The following SUPT3H variants were observed in gnomAD, a reference collection of about 807,000 sequenced individuals.
SUPT3H encodes SPT3 homolog, SAGA and STAGA complex component, also known as transcription initiation protein SPT3 homolog.
Under a neutral mutation model 44.3 loss-of-function variants are expected in SUPT3H, and 44 were observed. That is an observed-to-expected ratio of 0.99 (90% CI 0.78 to 1.28). SUPT3H has a LOEUF of 1.28. SUPT3H is among the 50% of genes most tolerant of loss of function. SUPT3H has a pLI of 0.00. For synonymous variants in SUPT3H, 124 were observed against 125.6 expected, an observed-to-expected ratio of 0.99 and a Z score of 0.09; for missense variants, 380 against 387.1, an observed-to-expected ratio of 0.98 and a Z score of 0.15.
At chr6:45,065,763 G>T (rs1420581405) in intron 3 of SUPT3H, among the ~76,000 whole-genome samples, 1 of 151,798 alleles carries the variant, frequency 6.6e-6, no homozygotes, top group Non-Finnish European at 1.5e-5. Context: ...AAACCAGGAA[G>T]AAGTTGAATC....
chr6:45,274,214 A>C (rs1252682564), intron 2 of SUPT3H, among the ~76,000 whole-genome samples: 1 of 152,244 alleles, frequency 6.6e-6, no homozygotes, highest in Non-Finnish European at 1.5e-5. Flanking sequence ...TGTGATTTTC[A>C]GAAATTTTCT....
At chr6:44,982,873 A>G (rs1779295713) in intron 6 of SUPT3H, among the ~76,000 whole-genome samples, 1 of 152,250 alleles carries the variant, frequency 6.6e-6, no homozygotes, top group Non-Finnish European at 1.5e-5. Context: ...TCTGGCTTCA[A>G]ATAGTTCCTC....
chr6:44,919,258 C>T (rs888389334), intron 10 of SUPT3H, among the ~76,000 whole-genome samples: 11 of 151,940 alleles, frequency 7.2e-5, no homozygotes, highest in African/African-American at 2.7e-4. Flanking sequence ...TGCCTTGGAT[C>T]TTACCCAAAG....
chr6:44,973,303 G>C (rs1336177236), intron 6 of SUPT3H, among the ~76,000 whole-genome samples: 2 of 152,146 alleles, frequency 1.3e-5, no homozygotes, highest in African/African-American at 4.8e-5. Flanking sequence ...GGGAAAAAAT[G>C]CTGCCAGTCT....
rs1491206167 is a variant in SUPT3H, at chr6:44,928,882, C to CAAAATAAAAAAAAA, written c.912+3770_912+3771insTTTTTTTTTATTTT. On this transcript the variant is annotated intron_variant, in intron 10 of 10. Transcript: ENST00000371459. ...TGGGCGACAGAACGAGACTCCGTCT[C>CAAAATAAAAAAAAA]AAAAAAAAAAAAAAAAAAAAAAGAA... Among the ~76,000 whole-genome samples, 35 of 20,642 alleles carry CAAAATAAAAAAAAA rather than the reference C, an allele frequency of 1.7e-3. 2 individuals carry two copies. The highest frequency in any genetic ancestry group is 2.2e-3 in the African/African-American group (7 of 3,180). 13.5% of individuals were successfully genotyped at this position (20,642 alleles called of 152,430 possible).
At chr6:45,089,841 G>A (rs1796919574) in intron 3 of SUPT3H, among the ~76,000 whole-genome samples, 1 of 151,818 alleles carries the variant, frequency 6.6e-6, no homozygotes, top group Non-Finnish European at 1.5e-5. Context: ...AAAATAGCCA[G>A]GTTATTCTAT....
chr6:45,244,989 C>A (rs892831123), intron 2 of SUPT3H, among the ~76,000 whole-genome samples: 2 of 152,034 alleles, frequency 1.3e-5, no homozygotes, highest in Non-Finnish European at 2.9e-5. Context: ...CTAAAATTCC[C>A]ATTTCATTAT....
chr6:44,930,561 T>A (rs1170470666), intron 10 of SUPT3H, among the ~76,000 whole-genome samples: 1 of 50,046 alleles, frequency 2.0e-5, no homozygotes, highest in East Asian at 6.5e-4. Flanking sequence ...TGAGACTCCG[T>A]CTCAAAAAAA....
chr6:45,326,219 A>G (rs889983872), intron 2 of SUPT3H, among the ~76,000 whole-genome samples: 6 of 151,904 alleles, frequency 3.9e-5, no homozygotes, highest in Non-Finnish European at 5.9e-5. Flanking sequence ...AGTGAATGCT[A>G]ATGTAGAAAC....
chr6:45,306,771 C>T (rs769188710), intron 2 of SUPT3H, among the ~76,000 whole-genome samples: 2 of 152,080 alleles, frequency 1.3e-5, no homozygotes, highest in African/African-American at 4.8e-5. Flanking sequence ...CTCACTGAGG[C>T]TTGTCAGACA....
chr6:45,007,361 A>G (rs866682363), intron 5 of SUPT3H, among the ~76,000 whole-genome samples: 4 of 152,060 alleles, frequency 2.6e-5, no homozygotes, highest in African/African-American at 4.8e-5. Flanking sequence ...TCCATCTCCT[A>G]CTTTTACTTT....
chr6:44,855,812 C>T (rs1422399370), intron 10 of SUPT3H, among the ~76,000 whole-genome samples: 2 of 151,826 alleles, frequency 1.3e-5, no homozygotes, highest in Admixed American at 6.6e-5. Context: ...CCATTATTCT[C>T]GTTTAGTAAC....
At chr6:44,990,492 C>A (rs1780463774) in intron 6 of SUPT3H, among the ~76,000 whole-genome samples, 1 of 151,636 alleles carries the variant, frequency 6.6e-6, no homozygotes, top group Non-Finnish European at 1.5e-5. Flanking sequence ...ATGCCTCCCA[C>A]TTTGTTCTTT....
At chr6:45,153,960 C>G (rs12204677) in intron 2 of SUPT3H, among the ~76,000 whole-genome samples, 61,064 of 150,460 alleles carry the variant, frequency 0.41, 12,703 homozygotes, top group East Asian at 0.71. Context: ...GACCCAGCTA[C>G]TCGGGAGGCT....
chr6:45,056,648 T>C (rs1453678245), intron 3 of SUPT3H, among the ~76,000 whole-genome samples: 1 of 152,158 alleles, frequency 6.6e-6, no homozygotes, highest in Admixed American at 6.5e-5. Context: ...GGAGCTAAGC[T>C]ATGAAGACAC....
At chr6:45,150,311 G>A (rs1806720833) in intron 2 of SUPT3H, among the ~76,000 whole-genome samples, 1 of 151,844 alleles carries the variant, frequency 6.6e-6, no homozygotes, top group South Asian at 2.1e-4. Context: ...ATATTACTTG[G>A]GAAATTTTTG....
At chr6:45,000,761 G>A (rs908971865) in intron 6 of SUPT3H, among the ~76,000 whole-genome samples, 2 of 151,912 alleles carry the variant, frequency 1.3e-5, no homozygotes, top group African/African-American at 4.8e-5. Context: ...GAAAACACAA[G>A]ATAAAAAGTC....
chr6:45,028,063 T>C (rs190311303), intron 3 of SUPT3H, among the ~76,000 whole-genome samples: 8 of 152,368 alleles, frequency 5.3e-5, no homozygotes, highest in African/African-American at 1.9e-4. Flanking sequence ...AACCTGTATG[T>C]TCTTGTCCTT....
At chr6:45,028,782 A>G (rs1470540923) in intron 3 of SUPT3H, among the ~76,000 whole-genome samples, 1 of 151,874 alleles carries the variant, frequency 6.6e-6, no homozygotes, top group Non-Finnish European at 1.5e-5. Flanking sequence ...TCTTATTCAG[A>G]ATAGAGGAAG....
Sources: allele counts gnomAD v4.1 joint callset (sites outside exome capture counted in the v4.1 genomes callset), GRCh38; gene constraint gnomAD v4.1.1; transcripts MANE v1.5; gene names NCBI Gene and HGNC (gene_info 2026-07-23, HGNC 2026-07-21).